The following TENM3 variants were observed in gnomAD, a reference collection of about 807,000 sequenced individuals.
TENM3 encodes teneurin transmembrane protein 3, also known as teneurin-3.
Under a neutral mutation model 255.1 loss-of-function variants are expected in TENM3, and 63 were observed. That is an observed-to-expected ratio of 0.25 (90% confidence interval 0.20 to 0.30). The LOEUF is 0.30. TENM3 is among the 10% of genes least tolerant of loss of function. TENM3 has a pLI of 1.00. For synonymous variants in TENM3, 1,306 were observed against 1,322.3 expected, an observed-to-expected ratio of 0.99 and a Z score of 0.27; for missense variants, 2,929 against 3,461.1, an observed-to-expected ratio of 0.85 and a Z score of 3.86.
At chr4:182,580,296 T>A (rs1197799638) in intron 3 of TENM3, among the ~76,000 whole-genome samples, 1 of 152,088 alleles carries the variant, frequency 6.6e-6, no homozygotes, top group South Asian at 2.1e-4. Flanking sequence ...CTTTTCTGTA[T>A]TCTAAATGAA....
At chr4:182,461,460 G>A (rs537698843) in intron 3 of TENM3, among the ~76,000 whole-genome samples, 18 of 152,320 alleles carry the variant, frequency 1.2e-4, no homozygotes, top group Non-Finnish European at 2.4e-4. Flanking sequence ...GTTGGAACCA[G>A]AACATGGAGG....
At chr4:181,597,230 A>G in the TENM3 span, among the ~76,000 whole-genome samples, 1 of 152,190 alleles carries the variant, frequency 6.6e-6, no homozygotes, top group Non-Finnish European at 1.5e-5. Context: ...TTATTTCTTT[A>G]GGAAAAAATT....
In TENM3 at chr4:182,553,045, G is replaced by A. The variant is rs572652540; in HGVS notation, c.512-47879G>A. On this transcript the variant is annotated intron_variant, in intron 3 of 27. Coordinates refer to ENST00000511685, the MANE Select transcript of TENM3 (RefSeq NM_001080477.4). The stretch of plus-strand genomic sequence containing the variant: ...TGGTCACAGCAAGGGCAGCCCTCTC[G>A]TAAATATATCGTAATTTGCTTTTGT... Among the ~76,000 whole-genome samples the A allele has an allele frequency of 2.7e-4, 41 of 152,214 alleles. No individual in the cohort carries two copies. The South Asian group carries it at 7.9e-3, about 29-fold the overall frequency.
chr4:181,707,744 C>T, the TENM3 span, among the ~76,000 whole-genome samples: 1 of 152,126 alleles, frequency 6.6e-6, no homozygotes, highest in Admixed American at 6.6e-5. Flanking sequence ...ATACTATGTG[C>T]CTGTTTTGAA....
the TENM3 span, among the ~76,000 whole-genome samples, chr4:181,487,905 A>C: frequency 0.023 from 3,569 of 152,306 alleles, 236 homozygotes; most frequent in East Asian, 0.17. Context: ...AGATGTTAAA[A>C]AAAATTCCCA....
chr4:182,493,091 C>T (rs1735455630), intron 3 of TENM3, among the ~76,000 whole-genome samples: 1 of 151,864 alleles, frequency 6.6e-6, no homozygotes, highest in African/African-American at 2.4e-5. Context: ...CTTATATAAA[C>T]TTCCTAGAAA....
At chr4:181,703,974 T>C in the TENM3 span, among the ~76,000 whole-genome samples, 1 of 152,300 alleles carries the variant, frequency 6.6e-6, no homozygotes, top group South Asian at 2.1e-4. Flanking sequence ...AGGCATACTG[T>C]CCAGGAACGG....
chr4:181,465,229 A>G, the TENM3 span, among the ~76,000 whole-genome samples: 2 of 151,752 alleles, frequency 1.3e-5, no homozygotes. Context: ...TTCCATAATC[A>G]TGTTCTTGAG....
chr4:182,222,025 G>A (rs1382284475), intron 1 of TENM3, among the ~76,000 whole-genome samples: 1 of 152,038 alleles, frequency 6.6e-6, no homozygotes, highest in Admixed American at 6.6e-5. Context: ...AAAACACCTG[G>A]AAGTCCTTGT....
At chr4:182,116,456 T>C in the TENM3 span, among the ~76,000 whole-genome samples, 2 of 152,256 alleles carry the variant, frequency 1.3e-5, no homozygotes, top group Admixed American at 1.3e-4. Context: ...ATGGGGGTGG[T>C]TCCCCCATGC....
Position 182,800,662 on chromosome 4 carries a change from C to A in TENM3, c.*311C>A. The A allele has an allele frequency of 8.1e-6, 2 of 246,824 alleles. No individual in the cohort carries two copies. The highest frequency in any genetic ancestry group is 8.1e-5 in the East Asian group (1 of 12,374). The allele number at this position is 246,824 out of a possible 1,614,324, so 15.3% of individuals were successfully genotyped here. A position where few individuals can be genotyped will look rare whatever the true frequency, so the allele number is the denominator to read the frequency against. ...CTGGGCCGTCTGTTCCTTCTAGGCACTGTATTTAACTAACTTTAAAAAAGA... is the reference window on the plus strand; with the variant it reads ...CTGGGCCGTCTGTTCCTTCTAGGCAATGTATTTAACTAACTTTAAAAAAGA... On this transcript the variant is annotated 3_prime_UTR_variant, in exon 28 of 28. Transcript: ENST00000511685.
chr4:182,597,024 G>A (rs184342825), intron 3 of TENM3, among the ~76,000 whole-genome samples: 3 of 152,302 alleles, frequency 2.0e-5, no homozygotes, highest in Admixed American at 6.5e-5. Flanking sequence ...TAGTCTCCAA[G>A]TCTAGACCCT....
At chr4:182,468,016 T>C (rs559847141) in intron 3 of TENM3, among the ~76,000 whole-genome samples, 26 of 152,272 alleles carry the variant, frequency 1.7e-4, no homozygotes, top group African/African-American at 6.0e-4. Flanking sequence ...AAAGAATGGG[T>C]GATGATCTTA....
the TENM3 span, among the ~76,000 whole-genome samples, chr4:181,873,306 T>A: frequency 6.6e-6 from 1 of 152,160 alleles, no homozygotes; most frequent in South Asian, 2.1e-4. Context: ...TGACCTCAGG[T>A]GATCTGCCTT....
chr4:182,621,589 C>T lies in TENM3; in HGVS notation c.750-7062C>T, dbSNP rs1320329945. Among the ~76,000 whole-genome samples the T allele has an allele frequency of 1.1e-4, 10 of 92,884 alleles. No homozygotes were observed. The East Asian group carries it at 1.2e-3, about 11-fold the overall frequency. The allele number at this position is 92,884 out of a possible 152,430, so 60.9% of individuals were successfully genotyped here. A position where few individuals can be genotyped will look rare whatever the true frequency, so the allele number is the denominator to read the frequency against. ...GTCAGCCTGAACAACATAGGGAGAC[C>T]CCCATCTGTACAAAAATATATATAA... On this transcript the variant is annotated intron_variant, in intron 4 of 27. Transcript: ENST00000511685.
the TENM3 span, among the ~76,000 whole-genome samples, chr4:182,106,496 A>G: frequency 6.6e-6 from 1 of 151,594 alleles, no homozygotes; most frequent in African/African-American, 2.4e-5. Context: ...AGAAAGAAAC[A>G]CTCCCAAAAG....
the TENM3 span, among the ~76,000 whole-genome samples, chr4:181,778,846 T>C: frequency 6.6e-6 from 1 of 152,152 alleles, no homozygotes; most frequent in Non-Finnish European, 1.5e-5. Context: ...CTCAGGTTGA[T>C]GAATGTCCTT....
At chr4:182,408,070 A>G (rs909625236) in intron 3 of TENM3, among the ~76,000 whole-genome samples, 5 of 152,242 alleles carry the variant, frequency 3.3e-5, no homozygotes, top group Non-Finnish European at 7.3e-5. Context: ...ACTACAAGCC[A>G]TCCAGAAGTA....
At chr4:182,447,833 T>C (rs1367739830) in intron 3 of TENM3, among the ~76,000 whole-genome samples, 2 of 152,134 alleles carry the variant, frequency 1.3e-5, no homozygotes, top group African/African-American at 4.8e-5. Context: ...GTCATTCAAT[T>C]CTCAGTTTAA....
Sources: allele counts gnomAD v4.1 joint callset (sites outside exome capture counted in the v4.1 genomes callset), GRCh38; gene constraint gnomAD v4.1.1; transcripts MANE v1.5; gene names NCBI Gene and HGNC (gene_info 2026-07-23, HGNC 2026-07-21).